RASSF6: variants seen among roughly 807,000 people sequenced by gnomAD.
RASSF6 encodes the protein ras association domain-containing protein 6.
Under a neutral mutation model 44.0 loss-of-function variants are expected in RASSF6, and 52 were observed. That is an observed-to-expected ratio of 1.18 (90% CI 0.95 to 1.49). RASSF6 has a LOEUF of 1.49. Among genes scored for constraint, RASSF6 ranks in the 40% most tolerant of loss-of-function variants. The pLI, the probability that RASSF6 is intolerant of heterozygous loss-of-function variation, is 0.00. For missense variants in RASSF6, 464 were observed against 393.3 expected, an observed-to-expected ratio of 1.18 and a Z score of -1.52; for synonymous variants, 162 against 124.6, an observed-to-expected ratio of 1.30 and a Z score of -2.00.
chr4:73,605,077 A>G (rs1560457590), intron 2 of RASSF6, among the ~76,000 whole-genome samples: 1 of 151,876 alleles, frequency 6.6e-6, no homozygotes, highest in Non-Finnish European at 1.5e-5. Flanking sequence ...TTCAGTAGAG[A>G]TGGGGTTTCA....
chr4:73,611,318 C>A (rs1000285088), intron 2 of RASSF6, among the ~76,000 whole-genome samples: 9 of 152,110 alleles, frequency 5.9e-5, no homozygotes, highest in African/African-American at 2.2e-4. Flanking sequence ...ATTGCATAAT[C>A]TAATGTCAAG....
At position 73,582,273 on chromosome 4, in the gene RASSF6, T is replaced by A. The variant is rs779166042; in HGVS notation, c.585A>T (p.Pro195=). 3.8e-6 allele frequency: 6 copies of A among 1,583,772 alleles called. No individual in the cohort carries two copies. Among genetic ancestry groups the A allele is most frequent in the Non-Finnish European group, 8.6e-7 (1 of 1,158,634 alleles). ...FYNHETSIFI[P]AFESETKVRV... Reference sequence around the variant, plus strand: ...TGACCTTAGTTTCTGATTCAAAGGCTGGAATGAAAATTGATGTCTAGAAAA... The same window carrying A: ...TGACCTTAGTTTCTGATTCAAAGGCAGGAATGAAAATTGATGTCTAGAAAA... The change falls in exon 7 of 11, where the codon CCA becomes CCT. Residue 195 remains proline, a synonymous_variant. Transcript: ENST00000307439.
intron 2 of RASSF6, 85 bp downstream of exon 2, chr4:73,611,646 A>G (rs1726017686): frequency 3.9e-6 from 3 of 773,934 alleles, no homozygotes; most frequent in South Asian, 1.8e-5. Flanking sequence ...CTTGTTGACC[A>G]TACATCATGC....
chr4:73,604,884 C>CTTTTTTTTTTTTTTT (rs35609056), intron 2 of RASSF6, among the ~76,000 whole-genome samples: 1 of 138,332 alleles, frequency 7.2e-6, no homozygotes, highest in African/African-American at 2.7e-5. Context: ...CATTTTCTTT[C>CTTTTTTTTTTTTTTT]TTTTTTTTTT....
intron 1 of RASSF6, among the ~76,000 whole-genome samples, chr4:73,612,044 A>G (rs890832989): frequency 2.0e-5 from 3 of 152,214 alleles, no homozygotes; most frequent in African/African-American, 7.2e-5. Flanking sequence ...GGATTGAACA[A>G]TTTGGTAAGT....
At chr4:73,609,477 A>G (rs1725865401) in intron 2 of RASSF6, among the ~76,000 whole-genome samples, 1 of 152,172 alleles carries the variant, frequency 6.6e-6, no homozygotes, top group Non-Finnish European at 1.5e-5. Flanking sequence ...GTAGTGGGAT[A>G]TAAACGTTAT....
At chr4:73,611,902 T>G in intron 1 of RASSF6, 73 bp from the exon 2 acceptor site, 1 of 1,031,076 alleles carries the variant, frequency 9.7e-7, no homozygotes, top group Admixed American at 1.8e-5. Context: ...TTAAGTTGAG[T>G]GTTTTGTTGT....
At position 73,571,635 on chromosome 4, in the gene RASSF6, A is replaced by C. The variant is rs1296923359; in HGVS notation, c.*4600T>G. ...CATACATATGGGGAATTTTATAAAA[A>C]TATTTCAGATAATTCCTTCACTCAT... On this transcript the variant is annotated 3_prime_UTR_variant, in exon 11 of 11. Coordinates refer to ENST00000307439, the MANE Select transcript of RASSF6 (RefSeq NM_177532.5). 2 of 152,106 alleles carry C rather than the reference A, an allele frequency of 1.3e-5. No individual in the cohort carries two copies. Among genetic ancestry groups the C allele is most frequent in the African/African-American group, 4.8e-5 (2 of 41,450 alleles). The allele number at this position is 152,106 out of a possible 1,614,324, so 9.4% of individuals were successfully genotyped here.
At chr4:73,579,557 T>C (rs1227242003) in intron 8 of RASSF6, among the ~76,000 whole-genome samples, 1 of 152,190 alleles carries the variant, frequency 6.6e-6, no homozygotes, top group Non-Finnish European at 1.5e-5. Flanking sequence ...AAGACTTTTC[T>C]AAAACTATTT....
At chr4:73,605,917 T>C (rs909500189) in intron 2 of RASSF6, among the ~76,000 whole-genome samples, 1 of 152,192 alleles carries the variant, frequency 6.6e-6, no homozygotes, top group East Asian at 1.9e-4. Context: ...TATGTCTTCT[T>C]TTGAGAAGTG....
chr4:73,576,516 G>C lies in RASSF6; in HGVS notation c.841-9C>G, dbSNP rs2149360887. On this transcript the variant is annotated splice_polypyrimidine_tract_variant and intron_variant, in intron 9 of 10. Transcript: ENST00000307439. ...TTAATGTACTGAGCCACCTAAGAAA[G>C]AAGAAGAAGAAAAAAAAAAGAAAGC... 6.6e-7 allele frequency: 1 copy of C among 1,506,938 alleles called. No individual in the cohort carries two copies. The highest frequency in any genetic ancestry group is 9.0e-7 in the Non-Finnish European group (1 of 1,110,962). The allele number at this position is 1,506,938 out of a possible 1,614,324, so 93.3% of individuals were successfully genotyped here.
At chr4:73,599,468 C>T (rs1010288412) in intron 2 of RASSF6, among the ~76,000 whole-genome samples, 5 of 152,200 alleles carry the variant, frequency 3.3e-5, no homozygotes, top group African/African-American at 1.2e-4. Flanking sequence ...GTGAGTGACT[C>T]AGCGCTTTCT....
chr4:73,587,922 C>A lies in RASSF6; in HGVS notation c.300G>T (p.Trp100Cys), dbSNP rs758827982. The change falls in exon 5 of 11, where the codon TGG becomes TGT. Residue 100 changes from tryptophan to cysteine, a missense_variant. Coordinates refer to ENST00000307439, the MANE Select transcript of RASSF6 (RefSeq NM_177532.5). ...DVFSSKGMTRWGEFDDLYRIS... is the reference protein window; with the variant it reads ...DVFSSKGMTRCGEFDDLYRIS... ...TACGATAGAGATCGTCAAATTCCCC[C>A]CAGCGTGTCATTCTGAGAAGTAATA... 6.2e-7 allele frequency: 1 copy of A among 1,605,944 alleles called. No individual in the cohort carries two copies. Among genetic ancestry groups the A allele is most frequent in the South Asian group, 1.1e-5 (1 of 90,542 alleles).
chr4:73,620,426 G>A lies in RASSF6; in HGVS notation c.-173C>T, dbSNP rs1350547831. On this transcript the variant is annotated 5_prime_UTR_variant, in exon 1 of 11. Coordinates refer to ENST00000307439, the MANE Select transcript of RASSF6 (RefSeq NM_177532.5). ...CCTGTCTCTGCCGGGCTGGGACTCCGCGAGTCACTCACCTGTAGGGGAGGT... is the reference window on the plus strand; with the variant it reads ...CCTGTCTCTGCCGGGCTGGGACTCCACGAGTCACTCACCTGTAGGGGAGGT... 2.6e-6 allele frequency: 4 copies of A among 1,544,214 alleles called. No homozygotes were observed. The South Asian group carries it at 4.8e-5, about 19-fold the overall frequency.
intron 2 of RASSF6, among the ~76,000 whole-genome samples, chr4:73,605,179 C>T (rs1725539793): frequency 6.6e-6 from 1 of 152,070 alleles, no homozygotes; most frequent in Non-Finnish European, 1.5e-5. Flanking sequence ...TGTGAGCCAC[C>T]ATGCCCGGCC....
chr4:73,619,926 A>C (rs544473417), intron 1 of RASSF6, among the ~76,000 whole-genome samples: 1 of 152,086 alleles, frequency 6.6e-6, no homozygotes, highest in South Asian at 2.1e-4. Context: ...CAGAGGAAGG[A>C]GTATGCCATC....
At chr4:73,606,913 G>A (rs1423253887) in intron 2 of RASSF6, among the ~76,000 whole-genome samples, 2 of 152,128 alleles carry the variant, frequency 1.3e-5, no homozygotes, top group East Asian at 3.9e-4. Context: ...ATTGTTACTA[G>A]AGGGTCTGAA....
chr4:73,584,084 T>C (rs990755256), intron 6 of RASSF6, among the ~76,000 whole-genome samples: 1 of 152,098 alleles, frequency 6.6e-6, no homozygotes, highest in Non-Finnish European at 1.5e-5. Context: ...GGTACCTCTC[T>C]GTGGGGGACT....
intron 6 of RASSF6, among the ~76,000 whole-genome samples, chr4:73,584,177 T>A (rs1299464921): frequency 1.3e-5 from 2 of 151,928 alleles, no homozygotes; most frequent in Non-Finnish European, 2.9e-5. Flanking sequence ...GAGAGATTTC[T>A]CCCCACCAGG....
Sources: allele counts gnomAD v4.1 joint callset (sites outside exome capture counted in the v4.1 genomes callset), GRCh38; gene constraint gnomAD v4.1.1; transcripts MANE v1.5; gene names NCBI Gene and HGNC (gene_info 2026-07-23, HGNC 2026-07-21).